The following HPCAL1 variants were observed in gnomAD, a reference collection of about 807,000 sequenced individuals.
HPCAL1 encodes hippocalcin-like protein 1.
In HPCAL1, 8 loss-of-function variants were observed where a neutral mutation model predicts 17.1. That is an observed-to-expected ratio of 0.47 (90% CI 0.27 to 0.84). HPCAL1 has a LOEUF of 0.84. HPCAL1 is among the 40% of genes least tolerant of loss of function. HPCAL1 has a pLI of 0.13. For missense variants in HPCAL1, 165 were observed against 271.1 expected (o/e 0.61, Z 2.75); for synonymous variants, 112 against 111.4 (o/e 1.01, Z -0.03).
At position 10,342,459 on chromosome 2, in the gene HPCAL1, C is replaced by T. The variant is rs1052266140; in HGVS notation, c.-111+39282C>T. On this transcript the variant is annotated intron_variant, in intron 1 of 4. Coordinates refer to ENST00000307845, the MANE Select transcript of HPCAL1 (RefSeq NM_002149.4). The surrounding 1 kb of genome is among the most constrained non-coding windows in gnomAD (Gnocchi z 4.1). Reference sequence around the variant, plus strand: ...TCCAGCGCGCAGCCTGAAAGGGAGGCGTGCAGAAACAACGTAGCTCCAAGG... The same window carrying T: ...TCCAGCGCGCAGCCTGAAAGGGAGGTGTGCAGAAACAACGTAGCTCCAAGG... 1.8e-4 allele frequency among the ~76,000 whole-genome samples: 25 copies of T among 142,076 alleles called. No homozygotes were observed. The East Asian group carries it at 3.0e-3, about 17-fold the overall frequency. The allele number at this position is 142,076 out of a possible 152,430, so 93.2% of individuals were successfully genotyped here.
chr2:10,396,613 G>A (rs1669043052), intron 1 of HPCAL1, among the ~76,000 whole-genome samples: 3 of 152,348 alleles, frequency 2.0e-5, no homozygotes, highest in Middle Eastern at 6.8e-3. Flanking sequence ...TTCTATCAAC[G>A]TTGTCCTGGG....
chr2:10,408,279 T>TC (rs3036403), intron 2 of HPCAL1, among the ~76,000 whole-genome samples: 1 of 151,694 alleles, frequency 6.6e-6, no homozygotes, highest in East Asian at 1.9e-4. Context: ...TCTCTCTCTC[T>TC]TCTCATATGT....
chr2:10,426,883 T>C lies in HPCAL1; in HGVS notation c.*62T>C, dbSNP rs537899874. ...CTTGTCGTGCCGTTTAAGCTTTGCTTGCAAGAGTGGATGCCCCGCAATCGT... is the reference window on the plus strand; with the variant it reads ...CTTGTCGTGCCGTTTAAGCTTTGCTCGCAAGAGTGGATGCCCCGCAATCGT... On this transcript the variant is annotated 3_prime_UTR_variant, in exon 5 of 5. Transcript: ENST00000307845. 1 of 1,445,706 alleles carries C rather than the reference T, an allele frequency of 6.9e-7. No individual in the cohort carries two copies. Among genetic ancestry groups the C allele is most frequent in the Non-Finnish European group, 9.7e-7 (1 of 1,029,736 alleles). 89.6% of individuals were successfully genotyped at this position (1,445,706 alleles called of 1,614,324 possible).
rs1012170209 is a variant in HPCAL1 at position 10,342,429 on chromosome 2, G to A, written c.-111+39252G>A. ...TGGGATATAGCCACATGTGCAGTCC[G>A]TGCCTCCAGCGCGCAGCCTGAAAGG... On this transcript the variant is annotated intron_variant, in intron 1 of 4. Transcript: ENST00000307845. This position sits in a 1 kb window ranked among gnomAD's most constrained non-coding sequence, Gnocchi z 4.1. Among the ~76,000 whole-genome samples the A allele has an allele frequency of 1.3e-5, 2 of 151,950 alleles. No homozygotes were observed. Among genetic ancestry groups the A allele is most frequent in the Non-Finnish European group, 2.9e-5 (2 of 68,000 alleles).
intron 1 of HPCAL1, among the ~76,000 whole-genome samples, chr2:10,371,960 A>C (rs1438012038): frequency 1.3e-5 from 2 of 152,202 alleles, no homozygotes; most frequent in Non-Finnish European, 2.9e-5. Flanking sequence ...CCAGCGCCTC[A>C]GATGTTTCTC....
intron 1 of HPCAL1, among the ~76,000 whole-genome samples, chr2:10,358,246 A>G (rs1666304324): frequency 6.6e-6 from 1 of 152,230 alleles, no homozygotes; most frequent in Non-Finnish European, 1.5e-5. Context: ...GGAGGGAAAC[A>G]AGCACAAATC....
intron 2 of HPCAL1, among the ~76,000 whole-genome samples, chr2:10,417,230 G>T (rs570080288): frequency 6.6e-6 from 1 of 152,226 alleles, no homozygotes; most frequent in South Asian, 2.1e-4. Flanking sequence ...GGGCATGGTG[G>T]TGCATACCTG....
chr2:10,419,566 G>A lies in HPCAL1; in HGVS notation c.-24-168G>A, dbSNP rs1670900925. 6.6e-6 allele frequency among the ~76,000 whole-genome samples: 1 copy of A among 151,982 alleles called. No individual in the cohort carries two copies. The highest frequency in any genetic ancestry group is 2.4e-5 in the African/African-American group (1 of 41,342). On this transcript the variant is annotated intron_variant, in intron 2 of 4. Coordinates refer to ENST00000307845, the MANE Select transcript of HPCAL1 (RefSeq NM_002149.4). The surrounding 1 kb of genome is among the most constrained non-coding windows in gnomAD (Gnocchi z 5.0). ...GTCGTGATATAATTAGAGTCTCTTG[G>A]CCTTCTTGGTGGTCCATAAGATAGC...
chr2:10,426,992 A>C lies in HPCAL1; in HGVS notation c.*171A>C. On this transcript the variant is annotated 3_prime_UTR_variant, in exon 5 of 5. Transcript: ENST00000307845. ...TGCGCCTCCCTCCTCCACCTGACCA[A>C]CGCGACATTCCTCCCCTCACGCCTG... is the stretch of plus-strand genomic sequence containing the variant. 3.3e-6 allele frequency: 2 copies of C among 613,218 alleles called. No homozygotes were observed. The highest frequency in any genetic ancestry group is 5.9e-6 in the Non-Finnish European group (2 of 341,644). 38.0% of individuals were successfully genotyped at this position (613,218 alleles called of 1,614,324 possible).
Position 10,310,464 on chromosome 2 carries a change from CTG to C in HPCAL1, c.-111+7290_-111+7291del, listed in dbSNP as rs1165985402. Among the ~76,000 whole-genome samples the C allele has an allele frequency of 6.6e-6, 1 of 152,156 alleles. No individual in the cohort carries two copies. The highest frequency in any genetic ancestry group is 2.4e-5 in the African/African-American group (1 of 41,422). ...GTAGCAAGGGATTTGATGCTGGAGT[CTG>C]TGACTGCTGTGCGTGTGGAGGCTTC... is the stretch of plus-strand genomic sequence containing the variant. On this transcript the variant is annotated intron_variant, in intron 1 of 4. Coordinates refer to ENST00000307845, the MANE Select transcript of HPCAL1 (RefSeq NM_002149.4). The surrounding 1 kb of genome is among the most constrained non-coding windows in gnomAD (Gnocchi z 4.5).
At chr2:10,388,114 G>A (rs1053861823) in intron 1 of HPCAL1, among the ~76,000 whole-genome samples, 2 of 152,312 alleles carry the variant, frequency 1.3e-5, no homozygotes, top group East Asian at 1.9e-4. Context: ...GAGGCTCGTT[G>A]TCCGGCCAAG....
intron 2 of HPCAL1, among the ~76,000 whole-genome samples, chr2:10,414,541 G>A (rs183056728): frequency 6.6e-6 from 1 of 152,166 alleles, no homozygotes; most frequent in Admixed American, 6.5e-5. Context: ...TATTGGATTA[G>A]GGCCCACCCT....
intron 1 of HPCAL1, among the ~76,000 whole-genome samples, chr2:10,374,384 G>T (rs1667417258): frequency 6.6e-6 from 1 of 151,812 alleles, no homozygotes; most frequent in African/African-American, 2.4e-5. Flanking sequence ...GCTTTTGGTT[G>T]CTTTGTTGCA....
chr2:10,422,210 C>A (rs1008998313), intron 3 of HPCAL1, among the ~76,000 whole-genome samples: 2 of 152,202 alleles, frequency 1.3e-5, no homozygotes, highest in Non-Finnish European at 2.9e-5. Flanking sequence ...TGGTGTTTCT[C>A]ATGGGACACT....
rs7590043 is a variant in HPCAL1 at position 10,387,851 on chromosome 2, G to C, written c.-110-8984G>C. Among the ~76,000 whole-genome samples, 5 of 152,360 alleles carry C rather than the reference G, an allele frequency of 3.3e-5. No homozygotes were observed. In the South Asian group the frequency reaches 8.3e-4, roughly 25 times the overall value. On this transcript the variant is annotated intron_variant, in intron 1 of 4. Transcript: ENST00000307845. ...TCAGGGCCTGTTTGCTCAACTGCAC[G>C]ATGGAAGGGTTGGGCAAGATGGATC...
At chr2:10,314,401 A>G (rs1572617817) in intron 1 of HPCAL1, among the ~76,000 whole-genome samples, 1 of 152,198 alleles carries the variant, frequency 6.6e-6, no homozygotes, top group East Asian at 1.9e-4. Flanking sequence ...TTAACTTCCT[A>G]TATTAAGGAG....
rs575312085 is a variant in HPCAL1, at chr2:10,354,289, C to G, written c.-110-42546C>G. On this transcript the variant is annotated intron_variant, in intron 1 of 4. Coordinates refer to ENST00000307845, the MANE Select transcript of HPCAL1 (RefSeq NM_002149.4). This position sits in a 1 kb window ranked among gnomAD's most constrained non-coding sequence, Gnocchi z 5.1. ...TGCAATCCTGCGTGTCCTCGTTCTTCATTCCACAAATACGTTCTAAGGGCC... is the reference window on the plus strand; with the variant it reads ...TGCAATCCTGCGTGTCCTCGTTCTTGATTCCACAAATACGTTCTAAGGGCC... 12 of 152,368 alleles carry G rather than the reference C, an allele frequency of 7.9e-5. 1 individual carries two copies. The South Asian group carries it at 2.5e-3, about 32-fold the overall frequency. The allele number at this position is 152,368 out of a possible 1,614,324, so 9.4% of individuals were successfully genotyped here.
intron 1 of HPCAL1, among the ~76,000 whole-genome samples, chr2:10,358,537 C>G (rs948225891): frequency 3.3e-5 from 5 of 152,210 alleles, no homozygotes; most frequent in Non-Finnish European, 7.3e-5. Flanking sequence ...ACCGCGAGAG[C>G]CTAGCAGGCA....
chr2:10,422,948 G>T (rs755193039), intron 3 of HPCAL1, 35 bp from the exon 4 acceptor site: 2 of 1,494,690 alleles, frequency 1.3e-6, no homozygotes, highest in Non-Finnish European at 1.9e-6. Context: ...AAGCCCCCGG[G>T]CCTCTGAGCA....
Sources: allele counts gnomAD v4.1 joint callset (sites outside exome capture counted in the v4.1 genomes callset), GRCh38; gene constraint gnomAD v4.1.1; non-coding constraint Gnocchi (gnomAD v3.1); transcripts MANE v1.5; gene names NCBI Gene and HGNC (gene_info 2026-07-23, HGNC 2026-07-21).